The following RHEB variants were observed in gnomAD, a reference collection of about 807,000 sequenced individuals.
RHEB encodes the protein Ras homolog, mTORC1 binding.
In RHEB, 2 loss-of-function variants were observed where a neutral mutation model predicts 28.8. That is an observed-to-expected ratio of 0.07 (90% CI 0.03 to 0.22). The LOEUF (loss-of-function observed/expected upper bound fraction) is 0.22, where lower values mean the gene tolerates loss of function less well. Among genes scored for constraint, RHEB ranks in the 10% least tolerant of loss-of-function variants. The pLI, the probability that RHEB is intolerant of heterozygous loss-of-function variation, is 1.00. For missense variants in RHEB, 76 were observed against 219.9 expected (o/e 0.35, Z 4.14); for synonymous variants, 69 against 77.3 (o/e 0.89, Z 0.56).
chr7:151,491,118 G>GA (rs2150929360), intron 1 of RHEB, 104 bp from the exon 2 acceptor site: 1 of 704,222 alleles, frequency 1.4e-6, no homozygotes, highest in East Asian at 2.7e-5. Context: ...GACACTGAAG[G>GA]TATCAGGGTC....
rs139788925 is a variant in RHEB at position 151,514,415 on chromosome 7, G to A, written c.52+5045C>T. Among the ~76,000 whole-genome samples, 701 of 152,150 alleles carry A rather than the reference G, an allele frequency of 4.6e-3. 5 individuals carry two copies. The highest frequency in any genetic ancestry group is 0.041 in the Middle Eastern group (12 of 294). On this transcript the variant is annotated intron_variant, in intron 1 of 7. Transcript: ENST00000262187. ...ACTTTCTGCTTTGAAGGACACCATC[G>A]AGAAGGTAAAAGGACAACCCACAGA...
rs1428596856 is a variant in RHEB, at chr7:151,472,982, T to C, written c.276-1377A>G. On this transcript the variant is annotated intron_variant, in intron 4 of 7. Transcript: ENST00000262187. The surrounding 1 kb of genome is among the most constrained non-coding windows in gnomAD (Gnocchi z 5.2). Reference sequence around the variant, plus strand: ...AAAAGTGTCGCCACTTGGGCAAAAATACAGTACCCTGTCACGTGAGAAACA... The same window carrying C: ...AAAAGTGTCGCCACTTGGGCAAAAACACAGTACCCTGTCACGTGAGAAACA... Among the ~76,000 whole-genome samples the C allele has an allele frequency of 6.6e-6, 1 of 152,152 alleles. No individual in the cohort carries two copies. Among genetic ancestry groups the C allele is most frequent in the Non-Finnish European group, 1.5e-5 (1 of 68,034 alleles).
chr7:151,487,539 T>C (rs867492718), intron 2 of RHEB, among the ~76,000 whole-genome samples: 6 of 149,904 alleles, frequency 4.0e-5, no homozygotes, highest in Non-Finnish European at 8.9e-5. Flanking sequence ...AAAAAAAAAA[T>C]AAACATTTGC....
At chr7:151,482,427 TG>T (rs762602429) in intron 3 of RHEB, among the ~76,000 whole-genome samples, 3 of 152,178 alleles carry the variant, frequency 2.0e-5, no homozygotes, top group Non-Finnish European at 4.4e-5. Context: ...TTAAGGTTAC[TG>T]GGTTAGCAAC....
intron 1 of RHEB, among the ~76,000 whole-genome samples, chr7:151,495,961 C>T (rs1034501855): frequency 1.3e-5 from 2 of 152,164 alleles, no homozygotes; most frequent in African/African-American, 4.8e-5. Flanking sequence ...TCCCTACAAG[C>T]CCAGCATTTT....
At position 151,503,021 on chromosome 7, in the gene RHEB, C is replaced by G. The variant is rs1040202281; in HGVS notation, c.53-12007G>C. ...CATTCAAGAAAAGAAATCAATAGAA[C>G]GATACTTTGATGAAATCACCCAGGA... is the stretch of plus-strand genomic sequence containing the variant. On this transcript the variant is annotated intron_variant, in intron 1 of 7. Coordinates refer to ENST00000262187, the MANE Select transcript of RHEB (RefSeq NM_005614.4). 159 of 783,584 alleles carry G rather than the reference C, an allele frequency of 2.0e-4. No individual in the cohort carries two copies. The African/African-American group carries it at 2.4e-3, about 12-fold the overall frequency. The allele number at this position is 783,584 out of a possible 1,614,324, so 48.5% of individuals were successfully genotyped here. A position where few individuals can be genotyped will look rare whatever the true frequency, so the allele number is the denominator to read the frequency against.
At chr7:151,481,444 A>G (rs1418780582) in intron 3 of RHEB, among the ~76,000 whole-genome samples, 2 of 152,236 alleles carry the variant, frequency 1.3e-5, no homozygotes, top group Non-Finnish European at 2.9e-5. Context: ...TACTTTTAAA[A>G]GAATTTGCCC....
In RHEB at chr7:151,498,206, G is replaced by A. The variant is rs1416659967; in HGVS notation, c.53-7192C>T. ...CTTCAAGGAAAAGGTCAGGTAAATA[G>A]AGTTTAAAGTACTGGAGGCAATTAA... On this transcript the variant is annotated intron_variant, in intron 1 of 7. Coordinates refer to ENST00000262187, the MANE Select transcript of RHEB (RefSeq NM_005614.4). The A allele has an allele frequency of 2.2e-5, 27 of 1,224,774 alleles. No homozygotes were observed. In the East Asian group the frequency reaches 1.4e-3, roughly 64 times the overall value. The allele number at this position is 1,224,774 out of a possible 1,614,324, so 75.9% of individuals were successfully genotyped here. A position where few individuals can be genotyped will look rare whatever the true frequency, so the allele number is the denominator to read the frequency against.
At chr7:151,503,118 T>C (rs1452108084) in intron 1 of RHEB, 3 of 814,116 alleles carry the variant, frequency 3.7e-6, no homozygotes, top group Admixed American at 1.7e-5. Flanking sequence ...GAAATTCTAA[T>C]GGTCTATGAA....
chr7:151,485,512 C>T (rs914883914), intron 2 of RHEB, among the ~76,000 whole-genome samples: 8 of 152,182 alleles, frequency 5.3e-5, no homozygotes, highest in Admixed American at 5.2e-4. Context: ...CCACCTGGAA[C>T]TCTGACAAGG....
chr7:151,518,235 G>T (rs77655321), intron 1 of RHEB, among the ~76,000 whole-genome samples: 1 of 152,180 alleles, frequency 6.6e-6, no homozygotes. Flanking sequence ...CGACGGAGAG[G>T]TGGTAAAAGG....
intron 1 of RHEB, among the ~76,000 whole-genome samples, chr7:151,492,299 T>C (rs1802596576): frequency 6.6e-6 from 1 of 152,092 alleles, no homozygotes; most frequent in South Asian, 2.1e-4. Flanking sequence ...AAAATTTAAA[T>C]TATTAAAAAG....
intron 1 of RHEB, among the ~76,000 whole-genome samples, chr7:151,498,536 AG>A (rs929800569): frequency 1.3e-5 from 2 of 152,040 alleles, no homozygotes; most frequent in Non-Finnish European, 2.9e-5. Flanking sequence ...CTGAGATGGG[AG>A]GACCACTTGA....
At chr7:151,502,678 A>G (rs1584863958) in intron 1 of RHEB, 3 of 1,610,390 alleles carry the variant, frequency 1.9e-6, no homozygotes, top group East Asian at 2.2e-5. Context: ...AGGAAACACA[A>G]GAGAAGTCCT....
intron 1 of RHEB, among the ~76,000 whole-genome samples, chr7:151,492,837 C>CTTT (rs1584858418): frequency 2.1e-4 from 23 of 109,012 alleles, no homozygotes; most frequent in Non-Finnish European, 3.9e-4. Context: ...AAATTCTCAA[C>CTTT]ATTTTTTTTT....
At chr7:151,502,113 G>A in intron 1 of RHEB, 4 of 421,780 alleles carry the variant, frequency 9.5e-6, no homozygotes, top group Non-Finnish European at 1.3e-5. Flanking sequence ...GCACATGCCT[G>A]TAGTCCCAGC....
chr7:151,504,817 T>C (rs1802837666), intron 1 of RHEB, among the ~76,000 whole-genome samples: 1 of 152,220 alleles, frequency 6.6e-6, no homozygotes, highest in East Asian at 1.9e-4. Context: ...TACAGCCTGA[T>C]TCTGGATGTA....
intron 1 of RHEB, chr7:151,502,336 G>A (rs1802787732): frequency 1.2e-6 from 1 of 815,750 alleles, no homozygotes; most frequent in Non-Finnish European, 2.2e-6. Context: ...TGGCAAAAAT[G>A]TTATCAGATG....
intron 1 of RHEB, among the ~76,000 whole-genome samples, chr7:151,508,326 CT>C (rs777361195): frequency 7.2e-4 from 110 of 152,264 alleles, no homozygotes; most frequent in East Asian, 3.3e-3. Flanking sequence ...AAGATAATTT[CT>C]TCAAAAGTTC....
Sources: gnomAD v4.1 joint callset for allele counts (sites outside exome capture counted in the v4.1 genomes callset) on GRCh38, gnomAD v4.1.1 for gene constraint, Gnocchi (gnomAD v3.1) non-coding constraint, MANE v1.5 for transcripts, NCBI Gene and HGNC (gene_info 2026-07-23, HGNC 2026-07-21) for gene names.